FREM1: variants seen among roughly 807,000 people sequenced by gnomAD.
FREM1 encodes the protein FRAS1-related extracellular matrix protein 1.
In FREM1, 220 loss-of-function variants were observed where a neutral mutation model predicts 210.1. The ratio of observed to expected loss-of-function variants is 1.05; its 90% CI spans 0.94 to 1.17. FREM1 has a LOEUF of 1.17. FREM1 is among the 50% of genes most tolerant of loss of function. The pLI, the probability that FREM1 is intolerant of heterozygous loss-of-function variation, is 0.00. For missense variants in FREM1, 3,454 were observed against 2,675.5 expected (o/e 1.29, Z -6.42); for synonymous variants, 1,189 against 980.2 (o/e 1.21, Z -3.98).
chr9:14,811,246 T>TA (rs35374951), intron 16 of FREM1, among the ~76,000 whole-genome samples: 27,226 of 152,086 alleles, frequency 0.18, 2,677 homozygotes, highest in Middle Eastern at 0.28. Context: ...GGTTTTATTT[T>TA]AAAAAAAATT....
At chr9:14,849,824 T>C (rs1827352838) in intron 6 of FREM1, among the ~76,000 whole-genome samples, 1 of 152,132 alleles carries the variant, frequency 6.6e-6, no homozygotes, top group Non-Finnish European at 1.5e-5. Context: ...TAAGAGTACA[T>C]TATACAATGC....
In FREM1 at chr9:14,804,898, T is replaced by C. The variant is rs76139372; in HGVS notation, c.3471+58A>G. 7,728 of 1,352,454 alleles carry C rather than the reference T, an allele frequency of 5.7e-3. 334 individuals are homozygous for C. In the Admixed American group the frequency reaches 0.081, roughly 14 times the overall value. 83.8% of individuals were successfully genotyped at this position (1,352,454 alleles called of 1,614,324 possible). A position where few individuals can be genotyped will look rare whatever the true frequency, so the allele number is the denominator to read the frequency against. On this transcript the variant is annotated intron_variant, in intron 19 of 36. Transcript: ENST00000380880. ...ACTTGGAGCAATGTAAATGGACTAATTGAAAATAAAAATCAAAATGATAAA... is the reference window on the plus strand; with the variant it reads ...ACTTGGAGCAATGTAAATGGACTAACTGAAAATAAAAATCAAAATGATAAA...
intron 24 of FREM1, among the ~76,000 whole-genome samples, chr9:14,776,511 G>A (rs969236335): frequency 5.3e-5 from 8 of 152,180 alleles, no homozygotes; most frequent in East Asian, 1.9e-4. Flanking sequence ...GTTCCTTGAC[G>A]CAAATAAAAA....
chr9:14,765,827 C>T lies in FREM1; in HGVS notation c.5204+3897G>A, dbSNP rs150955760. Among the ~76,000 whole-genome samples the T allele has an allele frequency of 5.3e-5, 8 of 152,310 alleles. No individual in the cohort carries two copies. In the East Asian group the frequency reaches 1.3e-3, roughly 26 times the overall value. ...CTGAATTATCAAAGACTTCTGCATT[C>T]AACATTGCTTTTGAAGTTCACTTTT... is the stretch of plus-strand genomic sequence containing the variant. On this transcript the variant is annotated intron_variant, in intron 27 of 36. Transcript: ENST00000380880.
At chr9:14,778,781 G>A (rs1027608240) in intron 24 of FREM1, among the ~76,000 whole-genome samples, 2 of 136,412 alleles carry the variant, frequency 1.5e-5, no homozygotes, top group Admixed American at 1.5e-4. Context: ...GGTAGCTCAC[G>A]CCTATAGCTT....
chr9:14,809,112 A>T (rs1279053073), intron 16 of FREM1, among the ~76,000 whole-genome samples: 1 of 152,204 alleles, frequency 6.6e-6, no homozygotes, highest in Non-Finnish European at 1.5e-5. Context: ...TTCTCATGAT[A>T]GTGAATGAGT....
intron 24 of FREM1, among the ~76,000 whole-genome samples, chr9:14,781,654 G>T (rs1052514899): frequency 6.6e-6 from 1 of 152,064 alleles, no homozygotes; most frequent in Admixed American, 6.6e-5. Context: ...TCAGTACATT[G>T]GGCTGAAGGC....
chr9:14,789,577 A>C (rs1349499911), intron 22 of FREM1, among the ~76,000 whole-genome samples: 1 of 152,222 alleles, frequency 6.6e-6, no homozygotes, highest in African/African-American at 2.4e-5. Flanking sequence ...TGAAGTAGAC[A>C]GAACAAAAAT....
At chr9:14,859,629 A>C in intron 3 of FREM1, 145 bp from the exon 4 acceptor site, 1 of 667,172 alleles carries the variant, frequency 1.5e-6, no homozygotes, top group Non-Finnish European at 2.5e-6. Context: ...CTCTACTCCC[A>C]GCCTCTCTGT....
At chr9:14,830,398 A>C (rs983816948) in intron 10 of FREM1, among the ~76,000 whole-genome samples, 4 of 152,116 alleles carry the variant, frequency 2.6e-5, no homozygotes, top group African/African-American at 9.7e-5. Context: ...TTTGAGCACT[A>C]GTTTTCTACT....
At chr9:14,770,382 T>C (rs1042917139) in intron 26 of FREM1, among the ~76,000 whole-genome samples, 5 of 152,154 alleles carry the variant, frequency 3.3e-5, no homozygotes, top group Non-Finnish European at 7.4e-5. Context: ...AAAATATAAA[T>C]AAACAGTTGT....
chr9:14,892,199 A>T (rs1836939926), intron 1 of FREM1, among the ~76,000 whole-genome samples: 1 of 152,118 alleles, frequency 6.6e-6, no homozygotes, highest in Non-Finnish European at 1.5e-5. Flanking sequence ...CCCCCGACCC[A>T]AAGGCTAACT....
intron 29 of FREM1, 75 bp downstream of exon 29, chr9:14,756,299 T>C (rs1844344243): frequency 9.3e-7 from 1 of 1,072,352 alleles, no homozygotes; most frequent in Non-Finnish European, 1.4e-6. Context: ...CTATCTTCTC[T>C]ACAATCTCCA....
chr9:14,754,505 A>C (rs1843939588), intron 29 of FREM1, among the ~76,000 whole-genome samples: 1 of 152,152 alleles, frequency 6.6e-6, no homozygotes, highest in African/African-American at 2.4e-5. Flanking sequence ...GTTTCTAAAA[A>C]ATTCACGTCC....
At chr9:14,811,830 T>A (rs7863399) in intron 16 of FREM1, among the ~76,000 whole-genome samples, 4,725 of 152,220 alleles carry the variant, frequency 0.031, 218 homozygotes, top group African/African-American at 0.11. Flanking sequence ...TGATTTGAAT[T>A]CTGAAAGTTC....
intron 13 of FREM1, among the ~76,000 whole-genome samples, 192 bp downstream of exon 13, chr9:14,822,968 T>A (rs12342625): frequency 6.6e-6 from 1 of 152,158 alleles, no homozygotes; most frequent in African/African-American, 2.4e-5. Context: ...ACCTTTTACA[T>A]AGAAAGTCCC....
At position 14,910,277 on chromosome 9, in the gene FREM1, A is replaced by G. The variant is rs1172289442; in HGVS notation, c.-631T>C. The G allele has an allele frequency of 6.6e-6, 1 of 152,272 alleles. No homozygotes were observed. The highest frequency in any genetic ancestry group is 6.5e-5 in the Admixed American group (1 of 15,288). The allele number at this position is 152,272 out of a possible 1,614,324, so 9.4% of individuals were successfully genotyped here. A position where few individuals can be genotyped will look rare whatever the true frequency, so the allele number is the denominator to read the frequency against. On this transcript the variant is annotated 5_prime_UTR_variant, in exon 1 of 37. Transcript: ENST00000380880. Reference sequence around the variant, plus strand: ...GATAAAGATGCCTTCTACTGTTTACACAGAGCCCGACCTCCCTGGCGGACA... The same window carrying G: ...GATAAAGATGCCTTCTACTGTTTACGCAGAGCCCGACCTCCCTGGCGGACA...
intron 25 of FREM1, 89 bp from the exon 26 acceptor site, chr9:14,770,895 TGTCCCAC>T (rs1847452088): frequency 1.1e-6 from 1 of 891,230 alleles, no homozygotes; most frequent in South Asian, 1.6e-5. Flanking sequence ...AATGACACAC[TGTCCCAC>T]GTTTTGGATT....
intron 13 of FREM1, among the ~76,000 whole-genome samples, chr9:14,821,634 T>A: frequency 6.6e-6 from 1 of 152,150 alleles, no homozygotes; most frequent in Non-Finnish European, 1.5e-5. Context: ...ATGGAGTTAG[T>A]TTAAAATCCT....
Sources: gnomAD v4.1 joint callset for allele counts (sites outside exome capture counted in the v4.1 genomes callset) on GRCh38, gnomAD v4.1.1 for gene constraint, MANE v1.5 for transcripts, NCBI Gene and HGNC (gene_info 2026-07-23, HGNC 2026-07-21) for gene names.